DNAH3: variants seen among roughly 807,000 people sequenced by gnomAD.
DNAH3 encodes axonemal beta dynein heavy chain 3.
A neutral mutation model predicts 432.5 loss-of-function variants in DNAH3; 332 were observed. The ratio of observed to expected loss-of-function variants is 0.77; its 90% CI spans 0.70 to 0.84. The LOEUF (loss-of-function observed/expected upper bound fraction) is 0.84, where lower values mean the gene tolerates loss of function less well. Among genes scored for constraint, DNAH3 ranks in the 40% least tolerant of loss-of-function variants. DNAH3 has a pLI of 0.00. For missense variants in DNAH3, 4,861 were observed against 5,114.0 expected (o/e 0.95, Z 1.51); for synonymous variants, 1,956 against 1,900.2 (o/e 1.03, Z -0.76).
intron 20 of DNAH3, among the ~76,000 whole-genome samples, chr16:21,079,058 A>G (rs1280017074): frequency 1.3e-5 from 2 of 152,268 alleles, no homozygotes; most frequent in African/African-American, 2.4e-5. Context: ...ACATGTGTGC[A>G]TGGAAAGTAT....
chr16:20,941,592 C>T (rs2083812258), intron 58 of DNAH3, 49 bp from the exon 59 acceptor site: 4 of 1,604,990 alleles, frequency 2.5e-6, no homozygotes, highest in Non-Finnish European at 3.4e-6. Flanking sequence ...GCCCTACAGG[C>T]TGTGGCTTTG....
chr16:20,982,581 C>CA lies in DNAH3; in HGVS notation c.7859+139_7859+140insT. On this transcript the variant is annotated intron_variant, in intron 49 of 61. Coordinates refer to ENST00000261383, the Ensembl canonical transcript of DNAH3. ...ACAAGATGCTTTATTAAATATCTAA[C>CA]TAACTGTGATTCAATTTAAAAGCAT... 8 of 645,744 alleles carry CA rather than the reference C, an allele frequency of 1.2e-5. No individual in the cohort carries two copies. In the South Asian group the frequency reaches 2.0e-4, roughly 16 times the overall value. The allele number at this position is 645,744 out of a possible 1,614,324, so 40.0% of individuals were successfully genotyped here.
At chr16:21,012,276 G>A (rs927581686) in intron 41 of DNAH3, among the ~76,000 whole-genome samples, 11 of 152,002 alleles carry the variant, frequency 7.2e-5, no homozygotes, top group Admixed American at 3.3e-4. Flanking sequence ...CCTTGCTGAC[G>A]GAAAGGATGC....
At chr16:20,987,803 C>T (rs373026375) in exon 46 of DNAH3, 1 of 1,613,976 alleles carries the variant, frequency 6.2e-7, no homozygotes, top group African/African-American at 1.3e-5. Context: ...TTCTCCACTG[C>T]ATCTCTATAA....
intron 28 of DNAH3, 114 bp downstream of exon 28, chr16:21,054,306 C>A: frequency 1.3e-6 from 1 of 755,992 alleles, no homozygotes; most frequent in South Asian, 1.8e-5. Context: ...GGAGAAAGCT[C>A]TCCCTAATGA....
chr16:21,134,303 C>G, exon 7 of DNAH3: 1 of 1,614,088 alleles, frequency 6.2e-7, no homozygotes, highest in Non-Finnish European at 8.5e-7. Flanking sequence ...TGGGGTTCAC[C>G]GTGTGCAGAT....
chr16:20,970,086 G>C, intron 51 of DNAH3, 96 bp from the exon 52 acceptor site: 1 of 1,174,230 alleles, frequency 8.5e-7, no homozygotes, highest in Non-Finnish European at 1.3e-6. Context: ...AGAAGGAAGA[G>C]GTGCTTCCTC....
rs776721007 is a variant in DNAH3, at chr16:21,058,105, AGGGCTT to A, written c.3899_3904del (p.Gln1300_Ala1301del). 2.5e-6 allele frequency: 4 copies of A among 1,609,912 alleles called. No individual in the cohort carries two copies. The East Asian group carries it at 8.9e-5, about 36-fold the overall frequency. ...ACTTACCAGTAAGGTATTTTCCGCC[AGGGCTT>A]GGGACACCTCCTGGGTCCAAAAGAT... is the stretch of plus-strand genomic sequence containing the variant. On this transcript the variant is annotated inframe_deletion, in exon 27 of 62. Coordinates refer to ENST00000261383, the Ensembl canonical transcript of DNAH3.
chr16:21,077,373 C>A (rs1021445792), intron 20 of DNAH3, among the ~76,000 whole-genome samples: 1 of 151,948 alleles, frequency 6.6e-6, no homozygotes, highest in Non-Finnish European at 1.5e-5. Flanking sequence ...ATATTGGCCA[C>A]GCTGGTCTTG....
chr16:21,042,312 C>A, intron 31 of DNAH3, 109 bp from the exon 32 acceptor site: 1 of 1,104,234 alleles, frequency 9.1e-7, no homozygotes, highest in African/African-American at 1.6e-5. Flanking sequence ...CACCCAAAAA[C>A]CGCACCTGCA....
intron 49 of DNAH3, 111 bp downstream of exon 49, chr16:20,982,610 A>G: frequency 1.3e-6 from 1 of 793,928 alleles, no homozygotes; most frequent in Non-Finnish European, 2.0e-6. Context: ...AAAGCATAAG[A>G]CATTTGCTAT....
chr16:21,070,613 ACTTT>A (rs1216838967), intron 22 of DNAH3, 93 bp downstream of exon 22: 2 of 757,374 alleles, frequency 2.6e-6, no homozygotes, highest in Non-Finnish European at 4.7e-6. Flanking sequence ...GGACAAAGTG[ACTTT>A]CTTTGTTAAC....
At chr16:20,964,269 G>A (rs1335435508) in exon 53 of DNAH3, 2 of 1,614,186 alleles carry the variant, frequency 1.2e-6, no homozygotes, top group Non-Finnish European at 1.7e-6. Context: ...CGATGCCAAG[G>A]AGTTGATCTT....
intron 19 of DNAH3, among the ~76,000 whole-genome samples, chr16:21,085,154 G>A (rs898447598): frequency 1.3e-5 from 2 of 151,882 alleles, no homozygotes; most frequent in Non-Finnish European, 1.5e-5. Context: ...CAAGGCAGGA[G>A]GATCACTTGA....
intron 22 of DNAH3, 31 bp downstream of exon 22, chr16:21,070,679 C>T (rs371180528): frequency 3.4e-6 from 5 of 1,450,294 alleles, no homozygotes; most frequent in Non-Finnish European, 3.9e-6. Flanking sequence ...TAACGAAACA[C>T]CTCAAAGCAT....
intron 41 of DNAH3, among the ~76,000 whole-genome samples, chr16:21,014,803 G>A (rs1367892169): frequency 6.6e-6 from 1 of 151,830 alleles, no homozygotes; most frequent in Non-Finnish European, 1.5e-5. Flanking sequence ...ATGAACAAGT[G>A]GAATTTGAAA....
At chr16:20,967,493 T>A (rs34002165) in intron 52 of DNAH3, among the ~76,000 whole-genome samples, 4 of 50,904 alleles carry the variant, frequency 7.9e-5, no homozygotes, top group African/African-American at 7.6e-4. Flanking sequence ...AGACTTCTGC[T>A]TTTTTTTTTT....
intron 24 of DNAH3, among the ~76,000 whole-genome samples, chr16:21,065,582 A>C (rs540076197): frequency 1.2e-3 from 177 of 152,272 alleles, no homozygotes; most frequent in African/African-American, 4.1e-3. Flanking sequence ...GGTTCCTTCC[A>C]CTATACTGTG....
intron 54 of DNAH3, 80 bp downstream of exon 54, chr16:20,959,099 G>T: frequency 2.8e-6 from 4 of 1,449,620 alleles, no homozygotes; most frequent in Non-Finnish European, 2.9e-6. Flanking sequence ...GCAGGACTGT[G>T]TCTTGGTCAT....
Sources: gnomAD v4.1 joint callset for allele counts (sites outside exome capture counted in the v4.1 genomes callset) on GRCh38, gnomAD v4.1.1 for gene constraint, MANE v1.5 for transcripts, NCBI Gene and HGNC (gene_info 2026-07-23, HGNC 2026-07-21) for gene names.